ATP6V1A: variants seen among roughly 807,000 people sequenced by gnomAD.
ATP6V1A encodes ATPase H+ transporting V1 subunit A, also known as V-type proton ATPase catalytic subunit A.
Under a neutral mutation model 70.1 loss-of-function variants are expected in ATP6V1A, and 18 were observed. That is an observed-to-expected ratio of 0.26 (90% CI 0.18 to 0.38). ATP6V1A has a LOEUF of 0.38. Ranked by LOEUF, ATP6V1A falls within the 10% of genes least tolerant of loss-of-function variation. The pLI is 1.00. For missense variants in ATP6V1A, 424 were observed against 772.4 expected (o/e 0.55, Z 5.35); for synonymous variants, 232 against 253.8 (o/e 0.91, Z 0.82).
rs200823060 is a variant in ATP6V1A, at chr3:113,786,324, G to A, written c.657G>A (p.Glu219=). The A allele has an allele frequency of 6.2e-6, 10 of 1,613,716 alleles. No homozygotes were observed. Among genetic ancestry groups the A allele is most frequent in the Non-Finnish European group, 7.6e-6 (9 of 1,179,780 alleles). ...WPVRQVRPVT[E]KLPANHPLLT... The stretch of plus-strand genomic sequence containing the variant: ...TACGTCAAGTTCGACCTGTCACTGA[G>A]AAGCTGCCAGCCAATCATCCTCTGT... Residue 219 remains glutamate, a synonymous_variant, in exon 6 of 15, where the codon GAG becomes GAA. Transcript: ENST00000273398.
chr3:113,803,127 T>A (rs1465099679), intron 12 of ATP6V1A, among the ~76,000 whole-genome samples: 2 of 152,156 alleles, frequency 1.3e-5, no homozygotes. Flanking sequence ...ACAGATAAAC[T>A]TTGAGGGCAT....
chr3:113,811,138 G>A lies in ATP6V1A; in HGVS notation c.*1711G>A, dbSNP rs1709337159. On this transcript the variant is annotated 3_prime_UTR_variant, in exon 15 of 15. Coordinates refer to ENST00000273398, the MANE Select transcript of ATP6V1A (RefSeq NM_001690.4). ...TTGCTTCCTCTTTGGGAAGAGGAAA[G>A]GGTGTGTGAACATGGCTAACAATCT... The A allele has an allele frequency of 6.6e-6, 1 of 152,224 alleles. No individual in the cohort carries two copies. Among genetic ancestry groups the A allele is most frequent in the African/African-American group, 2.4e-5 (1 of 41,456 alleles). 9.4% of individuals were successfully genotyped at this position (152,224 alleles called of 1,614,324 possible). A position where few individuals can be genotyped will look rare whatever the true frequency, so the allele number is the denominator to read the frequency against.
At chr3:113,797,903 G>T (rs1577094661) in intron 11 of ATP6V1A, among the ~76,000 whole-genome samples, 1 of 151,974 alleles carries the variant, frequency 6.6e-6, no homozygotes, top group Non-Finnish European at 1.5e-5. Context: ...ACTTTGGGAG[G>T]CCAGGGATCA....
At chr3:113,809,180 A>G (rs1709312804) in intron 14 of ATP6V1A, among the ~76,000 whole-genome samples, 155 bp from the exon 15 acceptor site, 1 of 152,122 alleles carries the variant, frequency 6.6e-6, no homozygotes, top group Non-Finnish European at 1.5e-5. Context: ...ACTTGAAGCC[A>G]GGAGGTGGAG....
intron 12 of ATP6V1A, among the ~76,000 whole-genome samples, chr3:113,799,489 A>G (rs992484051): frequency 5.9e-5 from 9 of 152,202 alleles, no homozygotes; most frequent in Admixed American, 2.0e-4. Context: ...GAAATTTCAG[A>G]TGCATTTCAT....
chr3:113,788,890 T>G lies in ATP6V1A; in HGVS notation c.879+15T>G. On this transcript the variant is annotated intron_variant, in intron 7 of 14. Transcript: ENST00000273398. ...ACTTCCCAGAGGTCTGTATAAAGCT[T>G]CAAATAATATCCTAGAGAAAATACC... The G allele has an allele frequency of 1.2e-6, 2 of 1,604,514 alleles. No individual in the cohort carries two copies. Among genetic ancestry groups the G allele is most frequent in the Non-Finnish European group, 1.7e-6 (2 of 1,174,152 alleles).
At chr3:113,774,830 A>G (rs575158137) in intron 1 of ATP6V1A, among the ~76,000 whole-genome samples, 18 of 150,176 alleles carry the variant, frequency 1.2e-4, no homozygotes, top group African/African-American at 4.1e-4. Context: ...AAAGAAAAGA[A>G]AAAAAAAAAG....
intron 1 of ATP6V1A, among the ~76,000 whole-genome samples, chr3:113,770,684 A>G (rs904938977): frequency 2.0e-5 from 3 of 152,050 alleles, no homozygotes; most frequent in African/African-American, 7.3e-5. Context: ...GTCTTAAAAA[A>G]AAAGAAAATC....
At chr3:113,768,740 C>T (rs1472541639) in intron 1 of ATP6V1A, among the ~76,000 whole-genome samples, 4 of 152,002 alleles carry the variant, frequency 2.6e-5, no homozygotes, top group Admixed American at 2.0e-4. Context: ...GAACTACAGA[C>T]GCACGTCACC....
At chr3:113,781,664 A>G (rs544994880) in intron 3 of ATP6V1A, among the ~76,000 whole-genome samples, 10 of 152,342 alleles carry the variant, frequency 6.6e-5, no homozygotes, top group African/African-American at 2.2e-4. Context: ...GAAAAGTACT[A>G]TGAATTGGTA....
chr3:113,795,735 A>G (rs1200399331), intron 10 of ATP6V1A, 141 bp from the exon 11 acceptor site: 3 of 656,974 alleles, frequency 4.6e-6, no homozygotes, highest in East Asian at 6.2e-5. Context: ...TCCAAAGGTC[A>G]TTTCTAAAGT....
In ATP6V1A at chr3:113,805,671, C is replaced by T. The variant is rs1035526393; in HGVS notation, c.1761+146C>T. ...GCAACCTCTGCCTCCTGGGTTCAAA[C>T]GATTCTCCTGCATCAGCCTCCTGAA... is the stretch of plus-strand genomic sequence containing the variant. On this transcript the variant is annotated intron_variant, in intron 14 of 14. Transcript: ENST00000273398. The T allele has an allele frequency of 1.6e-5, 13 of 807,560 alleles. No individual in the cohort carries two copies. The African/African-American group carries it at 1.7e-4, about 11-fold the overall frequency. The allele number at this position is 807,560 out of a possible 1,614,324, so 50.0% of individuals were successfully genotyped here. A position where few individuals can be genotyped will look rare whatever the true frequency, so the allele number is the denominator to read the frequency against.
chr3:113,807,993 G>T (rs1350111712), intron 14 of ATP6V1A, among the ~76,000 whole-genome samples: 3 of 151,958 alleles, frequency 2.0e-5, no homozygotes. Context: ...AGCTGGGCGT[G>T]ATGGTGCATG....
chr3:113,762,317 C>G (rs1270130886), intron 1 of ATP6V1A, among the ~76,000 whole-genome samples: 1 of 151,634 alleles, frequency 6.6e-6, no homozygotes, highest in Non-Finnish European at 1.5e-5. Flanking sequence ...GCCTGTAATC[C>G]CAGCACTTTG....
In ATP6V1A at chr3:113,758,955, C is replaced by T. The variant is rs550718492; in HGVS notation, c.-14+11842C>T. Among the ~76,000 whole-genome samples, 36 of 152,262 alleles carry T rather than the reference C, an allele frequency of 2.4e-4. No individual in the cohort carries two copies. The East Asian group carries it at 6.6e-3, about 28-fold the overall frequency. On this transcript the variant is annotated intron_variant, in intron 1 of 14. Coordinates refer to ENST00000273398, the MANE Select transcript of ATP6V1A (RefSeq NM_001690.4). ...TTAAGCATCTTTTCATGTACTTTGC[C>T]ATCTATCTTCCTTGGTTAAGTGAAT...
At chr3:113,792,911 C>T (rs1368651163) in intron 8 of ATP6V1A, among the ~76,000 whole-genome samples, 2 of 152,196 alleles carry the variant, frequency 1.3e-5, no homozygotes, top group African/African-American at 4.8e-5. Flanking sequence ...TATTAGATAC[C>T]TGTTCAATCT....
chr3:113,779,034 A>C (rs1577087832), intron 2 of ATP6V1A, 199 bp downstream of exon 2: 2 of 376,728 alleles, frequency 5.3e-6, no homozygotes, highest in East Asian at 8.4e-5. Context: ...TCTAAATTTT[A>C]TAATTATTGA....
intron 12 of ATP6V1A, among the ~76,000 whole-genome samples, chr3:113,799,705 G>A (rs1417691437): frequency 6.6e-6 from 1 of 152,140 alleles, no homozygotes; most frequent in Non-Finnish European, 1.5e-5. Context: ...TCACTGGGGT[G>A]TTATGATTCA....
At chr3:113,773,351 C>T (rs1708872756) in intron 1 of ATP6V1A, among the ~76,000 whole-genome samples, 1 of 152,150 alleles carries the variant, frequency 6.6e-6, no homozygotes, top group African/African-American at 2.4e-5. Flanking sequence ...AATTTGTAGA[C>T]TTATCACTAG....
Sources: gnomAD v4.1 joint callset for allele counts (sites outside exome capture counted in the v4.1 genomes callset) on GRCh38, gnomAD v4.1.1 for gene constraint, MANE v1.5 for transcripts, NCBI Gene and HGNC (gene_info 2026-07-23, HGNC 2026-07-21) for gene names.